Variants in CASQ2 observed in about 807,000 individuals in gnomAD.
CASQ2 encodes the protein calsequestrin 2, also known as calsequestrin-2.
Under a neutral mutation model 46.5 loss-of-function variants are expected in CASQ2, and 49 were observed. The ratio of observed to expected loss-of-function variants is 1.05; its 90% CI spans 0.84 to 1.34. CASQ2 has a LOEUF of 1.34. CASQ2 is among the 40% of genes most tolerant of loss of function. CASQ2 has a pLI of 0.00. For missense variants in CASQ2, 486 were observed against 481.3 expected (o/e 1.01, Z -0.09); for synonymous variants, 174 against 168.5 (o/e 1.03, Z -0.25).
chr1:115,749,815 T>C (rs183927958), intron 1 of CASQ2, among the ~76,000 whole-genome samples: 11 of 152,174 alleles, frequency 7.2e-5, no homozygotes, highest in Admixed American at 1.3e-4. Context: ...ACATGTTCCC[T>C]TCTCTCCTGC....
intron 8 of CASQ2, among the ~76,000 whole-genome samples, chr1:115,711,064 A>G (rs532215055): frequency 6.6e-6 from 1 of 152,308 alleles, no homozygotes; most frequent in South Asian, 2.1e-4. Context: ...TCCAGGAGTG[A>G]ACAGGTCCAC....
At position 115,725,543 on chromosome 1, in the gene CASQ2, G is replaced by C; in HGVS notation, c.748C>G (p.Arg250Gly). ...AACATTTCTTCTGGGCGCAGGCGACGTAGAGTGGGTCTGGAAAAAAAAAAA... is the reference window on the plus strand; with the variant it reads ...AACATTTCTTCTGGGCGCAGGCGACCTAGAGTGGGTCTGGAAAAAAAAAAA... ...FVKEHQRPTL[R>G]RLRPEEMFET... is the part of the protein sequence containing the mutation. Residue 250 changes from arginine to glycine, a missense_variant, in exon 7 of 11, where the codon CGT becomes GGT. Arg to Gly is a moderately radical substitution (Grantham distance 125). Transcript: ENST00000261448. The C allele has an allele frequency of 6.9e-7, 1 of 1,458,070 alleles. No individual in the cohort carries two copies. The highest frequency in any genetic ancestry group is 2.3e-5 in the East Asian group (1 of 42,582). 90.3% of individuals were successfully genotyped at this position (1,458,070 alleles called of 1,614,324 possible). A position where few individuals can be genotyped will look rare whatever the true frequency, so the allele number is the denominator to read the frequency against.
intron 8 of CASQ2, among the ~76,000 whole-genome samples, chr1:115,706,726 A>C (rs2101057631): frequency 6.6e-6 from 1 of 152,298 alleles, no homozygotes; most frequent in South Asian, 2.1e-4. Flanking sequence ...TTCTTTGCAC[A>C]GTTTTTCTTC....
chr1:115,700,055 T>C lies in CASQ2; in HGVS notation c.*1186A>G, dbSNP rs878942146. On this transcript the variant is annotated 3_prime_UTR_variant, in exon 11 of 11. Transcript: ENST00000261448. ...AATATGAGTTTAATGACAGAATTAG[T>C]TAGCTAGTATTCCACAAAAAGTATT... is the stretch of plus-strand genomic sequence containing the variant. 6.6e-6 allele frequency: 1 copy of C among 152,564 alleles called. No homozygotes were observed. The highest frequency in any genetic ancestry group is 2.1e-4 in the South Asian group (1 of 4,830). 9.5% of individuals were successfully genotyped at this position (152,564 alleles called of 1,614,324 possible). A position where few individuals can be genotyped will look rare whatever the true frequency, so the allele number is the denominator to read the frequency against.
chr1:115,726,723 T>C (rs1442004989), intron 6 of CASQ2, among the ~76,000 whole-genome samples: 1 of 152,236 alleles, frequency 6.6e-6, no homozygotes, highest in East Asian at 1.9e-4. Context: ...ATTCCTAGTA[T>C]AGAATTTTAT....
At chr1:115,751,935 C>G (rs1186487742) in intron 1 of CASQ2, among the ~76,000 whole-genome samples, 3 of 152,342 alleles carry the variant, frequency 2.0e-5, no homozygotes, top group Admixed American at 1.3e-4. Context: ...TTGTCTTCAG[C>G]TCCGCAAAAC....
In CASQ2 at chr1:115,700,118, TG is replaced by T. The variant is rs1654160330; in HGVS notation, c.*1122del. 3 of 88,832 alleles carry T rather than the reference TG, an allele frequency of 3.4e-5. No individual in the cohort carries two copies. The highest frequency in any genetic ancestry group is 7.6e-5 in the Non-Finnish European group (3 of 39,384). The allele number at this position is 88,832 out of a possible 1,614,324, so 5.5% of individuals were successfully genotyped here. On this transcript the variant is annotated 3_prime_UTR_variant, in exon 11 of 11. Coordinates refer to ENST00000261448, the MANE Select transcript of CASQ2 (RefSeq NM_001232.4). ...AAAAATTTGCACAGTGTCTTACACATGTGCTAAAAGATTGAGAAAATAAATT... is the reference window on the plus strand; with the variant it reads ...AAAAATTTGCACAGTGTCTTACACATTGCTAAAAGATTGAGAAAATAAATT...
Position 115,761,439 on chromosome 1 carries a change from A to AAGAAGAAGAAGAAGAAGAAGAAG in CASQ2, c.234+6868_234+6869insCTTCTTCTTCTTCTTCTTCTTCT, listed in dbSNP as rs796782557. Among the ~76,000 whole-genome samples the AAGAAGAAGAAGAAGAAGAAGAAG allele has an allele frequency of 1.1e-3, 6 of 5,540 alleles. 2 individuals carry two copies. Among genetic ancestry groups the AAGAAGAAGAAGAAGAAGAAGAAG allele is most frequent in the East Asian group, 0.011 (2 of 182 alleles). 3.6% of individuals were successfully genotyped at this position (5,540 alleles called of 152,430 possible). A position where few individuals can be genotyped will look rare whatever the true frequency, so the allele number is the denominator to read the frequency against. On this transcript the variant is annotated intron_variant, in intron 1 of 10. Transcript: ENST00000261448. ...GAAGAAGAAGAAGAAGAAGAAGAAG[A>AAGAAGAAGAAGAAGAAGAAGAAG]AAGAAGAAGAAGAAGAAGAAGAAGG...
intron 6 of CASQ2, 41 bp downstream of exon 6, chr1:115,726,951 C>A (rs779859297): frequency 3.2e-6 from 4 of 1,244,984 alleles, no homozygotes; most frequent in South Asian, 2.5e-5. Flanking sequence ...CTCCATTCCC[C>A]AGACCCCAGG....
At chr1:115,761,452 A>AAGG (rs1648941229) in intron 1 of CASQ2, among the ~76,000 whole-genome samples, 3 of 7,620 alleles carry the variant, frequency 3.9e-4, no homozygotes, top group Non-Finnish European at 5.8e-4. Flanking sequence ...GAAGAAGAAG[A>AAGG]AGAAGAAGAA....
In CASQ2 at chr1:115,702,202, A is replaced by G. The variant is rs573345455; in HGVS notation, c.1014+719T>C. On this transcript the variant is annotated intron_variant, in intron 10 of 10. Coordinates refer to ENST00000261448, the MANE Select transcript of CASQ2 (RefSeq NM_001232.4). ...CTCCCAAAGTGCTGGGATTACAGGC[A>G]TGAGCCACCACGCCTGGCTTGGCCC... Among the ~76,000 whole-genome samples, 13 of 151,992 alleles carry G rather than the reference A, an allele frequency of 8.6e-5. No homozygotes were observed. The East Asian group carries it at 2.5e-3, about 30-fold the overall frequency.
chr1:115,768,158 C>T, intron 1 of CASQ2, 150 bp downstream of exon 1: 1 of 677,178 alleles, frequency 1.5e-6, no homozygotes, highest in Non-Finnish European at 2.7e-6. Flanking sequence ...AGCTGTGTGA[C>T]AAGGGCATCT....
At chr1:115,763,518 G>T (rs1303541417) in intron 1 of CASQ2, among the ~76,000 whole-genome samples, 1 of 152,162 alleles carries the variant, frequency 6.6e-6, no homozygotes, top group African/African-American at 2.4e-5. Flanking sequence ...CCCAAGGCCT[G>T]ATTTCCTCAG....
At chr1:115,754,860 G>T (rs192823709) in intron 1 of CASQ2, among the ~76,000 whole-genome samples, 9 of 152,250 alleles carry the variant, frequency 5.9e-5, no homozygotes, top group Non-Finnish European at 1.2e-4. Flanking sequence ...TTAACTACAG[G>T]GCAAACCCCA....
At chr1:115,729,223 T>A (rs11589229) in intron 5 of CASQ2, among the ~76,000 whole-genome samples, 1 of 152,012 alleles carries the variant, frequency 6.6e-6, no homozygotes, top group African/African-American at 2.4e-5. Flanking sequence ...CTAATTTTTG[T>A]ATTTTTAGTA....
At position 115,744,868 on chromosome 1, in the gene CASQ2, C is replaced by T; in HGVS notation, c.279G>A (p.Met93Ile). Residue 93 changes from methionine to isoleucine, a missense_variant, in exon 2 of 11, where the codon ATG becomes ATA. Met to Ile is a conservative substitution (Grantham distance 10). Coordinates refer to ENST00000261448, the MANE Select transcript of CASQ2 (RefSeq NM_001232.4). ...GCTTGGCTTCTTTCTTGGCATCCAC[C>T]ATCACAAAGCCTATAGCTTTATGTT... is the stretch of plus-strand genomic sequence containing the variant. The part of the protein sequence containing the change: ...VLEHKAIGFV[M>I]VDAKKEAKLA... The T allele has an allele frequency of 6.2e-7, 1 of 1,613,926 alleles. No individual in the cohort carries two copies. The highest frequency in any genetic ancestry group is 8.5e-7 in the Non-Finnish European group (1 of 1,179,896).
intron 2 of CASQ2, among the ~76,000 whole-genome samples, chr1:115,743,777 T>A (rs1397881841): frequency 7.4e-5 from 11 of 148,570 alleles, no homozygotes; most frequent in African/African-American, 2.5e-4. Flanking sequence ...TTTTTTTTAA[T>A]AGCCATTCTT....
At chr1:115,763,248 T>C (rs565012579) in intron 1 of CASQ2, among the ~76,000 whole-genome samples, 20 of 152,258 alleles carry the variant, frequency 1.3e-4, no homozygotes, top group African/African-American at 4.6e-4. Flanking sequence ...TAGGTGAGAC[T>C]GAACCATGAC....
chr1:115,740,596 T>A, intron 3 of CASQ2, 132 bp downstream of exon 3: 1 of 689,118 alleles, frequency 1.5e-6, no homozygotes, highest in Admixed American at 2.2e-5. Context: ...GCTCCTTAGT[T>A]TTTTGTGAAT....
Sources: gnomAD v4.1 joint callset for allele counts (sites outside exome capture counted in the v4.1 genomes callset) on GRCh38, gnomAD v4.1.1 for gene constraint, MANE v1.5 for transcripts, NCBI Gene and HGNC (gene_info 2026-07-23, HGNC 2026-07-21) for gene names.